Variants in LPP observed in about 807,000 individuals in gnomAD.
LPP encodes the protein LIM domain containing preferred translocation partner in lipoma.
Under a neutral mutation model 60.4 loss-of-function variants are expected in LPP, and 38 were observed. The ratio of observed to expected loss-of-function variants is 0.63; its 90% CI spans 0.49 to 0.83. LPP has a LOEUF of 0.83. Ranked by LOEUF, LPP falls within the 40% of genes least tolerant of loss-of-function variation. LPP has a pLI of 0.00. For synonymous variants in LPP, 328 were observed against 290.8 expected, an observed-to-expected ratio of 1.13 and a Z score of -1.30; for missense variants, 902 against 783.6, an observed-to-expected ratio of 1.15 and a Z score of -1.80.
At chr3:188,241,006 T>C (rs949408208) in intron 2 of LPP, among the ~76,000 whole-genome samples, 64 of 152,334 alleles carry the variant, frequency 4.2e-4, no homozygotes, top group African/African-American at 1.5e-3. Flanking sequence ...GGGGTATGTA[T>C]GCATAGTCTA....
At chr3:188,537,062 A>G (rs530767595) in intron 6 of LPP, among the ~76,000 whole-genome samples, 128 of 152,344 alleles carry the variant, frequency 8.4e-4, no homozygotes, top group Middle Eastern at 3.4e-3. Flanking sequence ...AGCATCCTGG[A>G]TGACTTAATA....
chr3:188,860,100 C>CA (rs1158819551), intron 9 of LPP, among the ~76,000 whole-genome samples: 1 of 151,266 alleles, frequency 6.6e-6, no homozygotes, highest in African/African-American at 2.4e-5. Context: ...TCATGTCTCA[C>CA]AGGAAGGCAG....
At chr3:188,624,598 C>T (rs924992335) in intron 7 of LPP, among the ~76,000 whole-genome samples, 3 of 152,172 alleles carry the variant, frequency 2.0e-5, no homozygotes, top group Non-Finnish European at 4.4e-5. Flanking sequence ...CAGGACTGTT[C>T]AGCCTTCTGT....
chr3:188,265,166 C>G (rs1467162095), intron 2 of LPP, among the ~76,000 whole-genome samples: 1 of 152,168 alleles, frequency 6.6e-6, no homozygotes, highest in Non-Finnish European at 1.5e-5. Context: ...CTGGTCTTTT[C>G]TTTCTGCAGA....
intron 9 of LPP, among the ~76,000 whole-genome samples, chr3:188,802,355 C>G (rs1747525813): frequency 1.3e-5 from 2 of 152,242 alleles, no homozygotes; most frequent in South Asian, 4.1e-4. Context: ...AAGAAACTTG[C>G]AATAAGCTAC....
At chr3:188,273,608 T>C (rs1045129436) in intron 2 of LPP, among the ~76,000 whole-genome samples, 2 of 142,100 alleles carry the variant, frequency 1.4e-5, no homozygotes, top group African/African-American at 5.5e-5. Flanking sequence ...TTTTTTTTTT[T>C]TTTTGAGACG....
Position 188,847,693 on chromosome 3 carries a change from C to T in LPP, c.1411-18507C>T, listed in dbSNP as rs1761784863. On this transcript the variant is annotated intron_variant, in intron 9 of 11. Coordinates refer to ENST00000617246, the MANE Select transcript of LPP (RefSeq NM_001375462.1). ...TCTTAACAGGTTGTCAGGCAAATATCTGTTCTTGAAACCAGAAAAACAAAT... is the reference window on the plus strand; with the variant it reads ...TCTTAACAGGTTGTCAGGCAAATATTTGTTCTTGAAACCAGAAAAACAAAT... Among the ~76,000 whole-genome samples the T allele has an allele frequency of 1.3e-5, 2 of 152,164 alleles. 1 individual carries two copies. The highest frequency in any genetic ancestry group is 2.9e-5 in the Non-Finnish European group (2 of 68,036).
Position 188,154,197 on chromosome 3 carries a change from G to GCCA in LPP, c.-243_-242insACC. On this transcript the variant is annotated 5_prime_UTR_variant, in exon 1 of 12. Transcript: ENST00000617246. ...TCTGCCTCCGCCTCCAGCCGCCGCC[G>GCCA]CCGCCGCCGCCGCCGCCACCACCAC... 4.5e-6 allele frequency: 1 copy of GCCA among 220,768 alleles called. No individual in the cohort carries two copies. Among genetic ancestry groups the GCCA allele is most frequent in the Non-Finnish European group, 8.7e-6 (1 of 114,346 alleles). 13.7% of individuals were successfully genotyped at this position (220,768 alleles called of 1,614,324 possible).
At chr3:188,547,580 A>G (rs968066925) in intron 6 of LPP, among the ~76,000 whole-genome samples, 2 of 152,324 alleles carry the variant, frequency 1.3e-5, no homozygotes, top group Middle Eastern at 3.4e-3. Flanking sequence ...GCACATTTGC[A>G]ATACACTGTC....
At chr3:188,811,503 A>T (rs994443061) in intron 9 of LPP, among the ~76,000 whole-genome samples, 3 of 151,680 alleles carry the variant, frequency 2.0e-5, no homozygotes, top group Non-Finnish European at 2.9e-5. Flanking sequence ...GATAGTGCGT[A>T]AGAATTGGAT....
At chr3:188,183,090 C>G (rs1035190381) in intron 1 of LPP, among the ~76,000 whole-genome samples, 29 of 152,176 alleles carry the variant, frequency 1.9e-4, no homozygotes, top group African/African-American at 6.8e-4. Context: ...CCTGAGGACA[C>G]ACTTCACATT....
At chr3:188,171,862 C>T (rs985256552) in intron 1 of LPP, among the ~76,000 whole-genome samples, 1 of 152,150 alleles carries the variant, frequency 6.6e-6, no homozygotes, top group Non-Finnish European at 1.5e-5. Flanking sequence ...AAAAGACAGC[C>T]TGCATGTTTC....
chr3:188,377,131 C>T (rs1389426088), intron 3 of LPP, among the ~76,000 whole-genome samples: 1 of 152,150 alleles, frequency 6.6e-6, no homozygotes, highest in Non-Finnish European at 1.5e-5. Flanking sequence ...CTCTGGCTGC[C>T]CTTAACATTT....
chr3:188,745,607 G>A (rs1577314914), intron 8 of LPP, among the ~76,000 whole-genome samples: 2 of 152,024 alleles, frequency 1.3e-5, no homozygotes, highest in Non-Finnish European at 2.9e-5. Flanking sequence ...AATAGGAATG[G>A]ATTTAAAGCT....
At chr3:188,292,420 G>A (rs1746311567) in intron 2 of LPP, among the ~76,000 whole-genome samples, 1 of 152,204 alleles carries the variant, frequency 6.6e-6, no homozygotes, top group Admixed American at 6.5e-5. Flanking sequence ...CCAAAAAACA[G>A]AAGCATGACT....
rs180726377 is a variant in LPP at position 188,827,503 on chromosome 3, C to T, written c.1411-38697C>T. On this transcript the variant is annotated intron_variant, in intron 9 of 11. Transcript: ENST00000617246. The stretch of plus-strand genomic sequence containing the variant: ...AGAAACCTGGGTAAAGAGAAAAGTC[C>T]TACTCAGTTTCATTCTTGTTAAAAG... Among the ~76,000 whole-genome samples the T allele has an allele frequency of 2.3e-3, 346 of 152,242 alleles. 2 individuals are homozygous for T. The highest frequency in any genetic ancestry group is 8.1e-3 in the African/African-American group (335 of 41,540).
intron 2 of LPP, among the ~76,000 whole-genome samples, chr3:188,296,588 CAT>C (rs1160618672): frequency 6.6e-6 from 1 of 152,216 alleles, no homozygotes; most frequent in Non-Finnish European, 1.5e-5. Context: ...TTCTCTCTCT[CAT>C]TCTCTCCTAC....
intron 2 of LPP, among the ~76,000 whole-genome samples, chr3:188,271,303 C>T (rs999041980): frequency 6.6e-6 from 1 of 152,200 alleles, no homozygotes; most frequent in African/African-American, 2.4e-5. Context: ...ATGTTCAACA[C>T]ATAGTTGCAG....
chr3:188,229,958 G>A (rs1719249583), intron 2 of LPP, among the ~76,000 whole-genome samples: 2 of 152,198 alleles, frequency 1.3e-5, no homozygotes, highest in African/African-American at 4.8e-5. Flanking sequence ...TGATCTCAGT[G>A]TTGGTCTGGG....
Sources: gnomAD v4.1 joint callset for allele counts (sites outside exome capture counted in the v4.1 genomes callset) on GRCh38, gnomAD v4.1.1 for gene constraint, MANE v1.5 for transcripts, NCBI Gene and HGNC (gene_info 2026-07-23, HGNC 2026-07-21) for gene names.